Variants in CCDC169 observed in about 807,000 individuals in gnomAD.
CCDC169 encodes coiled-coil domain containing 169.
CCDC169 carries 30 observed loss-of-function variants against 36.0 expected under a neutral mutation model. The observed-to-expected ratio is 0.83, with a 90% CI of 0.62 to 1.13. The LOEUF (loss-of-function observed/expected upper bound fraction) is 1.13. CCDC169 is among the 50% of genes most tolerant of loss of function. The probability of loss-of-function intolerance (pLI) is 0.00; values close to 1 mark genes in which losing one functional copy is unlikely to be tolerated. For missense variants in CCDC169, 245 were observed against 245.9 expected, an observed-to-expected ratio of 1.00 and a Z score of 0.03; for synonymous variants, 85 against 81.5, an observed-to-expected ratio of 1.04 and a Z score of -0.23.
chr13:36,222,905 A>C (rs1869688323), downstream of CCDC169: 1 of 152,154 alleles, frequency 6.6e-6, no homozygotes, highest in Non-Finnish European at 1.5e-5. Context: ...AGAAGATATA[A>C]AAAAAGAACC....
chr13:36,258,099 A>T (rs1445265329), intron 4 of CCDC169, among the ~76,000 whole-genome samples: 1 of 152,172 alleles, frequency 6.6e-6, no homozygotes, highest in Non-Finnish European at 1.5e-5. Context: ...CTAGTTTTCA[A>T]ATCAGACTCT....
Position 36,297,689 on chromosome 13 carries a change from CGTCGAA to C in CCDC169, c.25_30del (p.Phe9_Asp10del). ...TGTTTCAGGCGGTTGGTGCTCACACCGTCGAAGTTGTAGTTTCTCTCTTCCTTCATA... is the reference window on the plus strand; with the variant it reads ...TGTTTCAGGCGGTTGGTGCTCACACCGTTGTAGTTTCTCTCTTCCTTCATA... On this transcript the variant is annotated inframe_deletion, in exon 1 of 8. Coordinates refer to ENST00000239859, the MANE Select transcript of CCDC169 (RefSeq NM_001144981.3). 6.4e-7 allele frequency: 1 copy of C among 1,551,374 alleles called. No individual in the cohort carries two copies. The highest frequency in any genetic ancestry group is 2.0e-5 in the Admixed American group (1 of 51,002).
chr13:36,243,141 A>G (rs1036589266), intron 7 of CCDC169, among the ~76,000 whole-genome samples: 126 of 151,986 alleles, frequency 8.3e-4, no homozygotes, highest in African/African-American at 2.8e-3. Context: ...CTATAGCCCT[A>G]CTCCCTCTGC....
chr13:36,290,947 C>T (rs960419252), intron 2 of CCDC169, among the ~76,000 whole-genome samples: 2 of 151,164 alleles, frequency 1.3e-5, no homozygotes, highest in Non-Finnish European at 2.9e-5. Context: ...TGGATACCAC[C>T]TCTGCATACC....
downstream of CCDC169, chr13:36,226,850 C>T (rs1869903928): frequency 3.0e-6 from 1 of 329,410 alleles, no homozygotes; most frequent in African/African-American, 2.1e-5. Context: ...CTACTATGCT[C>T]AGTCCCTGGG....
downstream of CCDC169, chr13:36,224,900 G>T (rs1869782779): frequency 6.6e-6 from 1 of 152,070 alleles, no homozygotes; most frequent in Admixed American, 6.6e-5. Context: ...ATACTGTAAA[G>T]CTACAGTAAT....
At chr13:36,268,169 CA>C (rs1239234392) in intron 4 of CCDC169, among the ~76,000 whole-genome samples, 1 of 152,158 alleles carries the variant, frequency 6.6e-6, no homozygotes, top group African/African-American at 2.4e-5. Context: ...GCAGAGTATA[CA>C]TTCTTCTCAT....
At chr13:36,237,859 A>G (rs900238953) in intron 7 of CCDC169, among the ~76,000 whole-genome samples, 6 of 152,236 alleles carry the variant, frequency 3.9e-5, no homozygotes, top group Admixed American at 6.5e-5. Flanking sequence ...TACAATTGTC[A>G]GAGTGTTCCC....
At position 36,231,103 on chromosome 13, in the gene CCDC169, C is replaced by T; in HGVS notation, c.*90G>A. The T allele has an allele frequency of 6.8e-7, 1 of 1,466,958 alleles. No individual in the cohort carries two copies. Among genetic ancestry groups the T allele is most frequent in the Non-Finnish European group, 9.0e-7 (1 of 1,112,820 alleles). 90.9% of individuals were successfully genotyped at this position (1,466,958 alleles called of 1,614,324 possible). On this transcript the variant is annotated 3_prime_UTR_variant, in exon 8 of 8. Transcript: ENST00000239859. ...TGGCAGTTCTTATCTATTTTATTCCCTGAAGAAATGTGCTGACCATTAACT... is the reference window on the plus strand; with the variant it reads ...TGGCAGTTCTTATCTATTTTATTCCTTGAAGAAATGTGCTGACCATTAACT...
chr13:36,270,811 T>C (rs1394248311), intron 4 of CCDC169, among the ~76,000 whole-genome samples: 1 of 152,164 alleles, frequency 6.6e-6, no homozygotes, highest in African/African-American at 2.4e-5. Context: ...TCTGAAAGTA[T>C]AAAAATTCTA....
At position 36,283,618 on chromosome 13, in the gene CCDC169, A is replaced by C. The variant is rs866575663; in HGVS notation, c.248T>G (p.Val83Gly). The change falls in exon 3 of 8, where the codon GTG becomes GGG. Residue 83 changes from valine (V) to glycine (G), a missense_variant. Coordinates refer to ENST00000239859, the MANE Select transcript of CCDC169 (RefSeq NM_001144981.3). ...EKQIVYLKEK[V>G]EKIHGNSSDR... ...TGAAGAGTTTCCATGGATTTTTTCC[A>C]CTTTCTCCTTGAGATAAACAATTTG... The C allele has an allele frequency of 6.4e-7, 1 of 1,551,354 alleles. No homozygotes were observed. Among genetic ancestry groups the C allele is most frequent in the African/African-American group, 1.4e-5 (1 of 73,142 alleles).
intron 7 of CCDC169, among the ~76,000 whole-genome samples, chr13:36,248,029 G>A (rs1358443942): frequency 1.3e-5 from 2 of 152,090 alleles, no homozygotes; most frequent in African/African-American, 4.8e-5. Flanking sequence ...CATCAACATT[G>A]AGGCAAGACC....
downstream of CCDC169, chr13:36,230,669 C>T (rs1870320410): frequency 1.4e-6 from 1 of 716,030 alleles, no homozygotes; most frequent in Admixed American, 6.3e-5. Flanking sequence ...CCAAGATCTC[C>T]TAAGTTCATG....
chr13:36,292,894 A>G (rs1566093533), intron 2 of CCDC169, among the ~76,000 whole-genome samples: 1 of 152,220 alleles, frequency 6.6e-6, no homozygotes, highest in Admixed American at 6.5e-5. Flanking sequence ...TCTACTCCAC[A>G]AAGGGAGGAG....
At chr13:36,231,802 A>C (rs924350408) in intron 7 of CCDC169, among the ~76,000 whole-genome samples, 1 of 152,194 alleles carries the variant, frequency 6.6e-6, no homozygotes, top group African/African-American at 2.4e-5. Flanking sequence ...TTCCTCAGGG[A>C]AAGTGTTTAT....
In CCDC169 at chr13:36,248,601, C is replaced by A; in HGVS notation, c.545+5G>T. The A allele has an allele frequency of 1.3e-6, 2 of 1,548,612 alleles. No homozygotes were observed. The highest frequency in any genetic ancestry group is 1.7e-6 in the Non-Finnish European group (2 of 1,144,986). The stretch of plus-strand genomic sequence containing the variant: ...ATTAGAAAGAAAATATATAGCTAGA[C>A]TTACGTTTTCACTAGATTCTCTTGC... On this transcript the variant is annotated splice_donor_5th_base_variant and intron_variant, in intron 7 of 7. Coordinates refer to ENST00000239859, the MANE Select transcript of CCDC169 (RefSeq NM_001144981.3).
At position 36,253,867 on chromosome 13, in the gene CCDC169, A is replaced by T; in HGVS notation, c.415-11T>A. ...GATCTTCTGGTAAGCCTGTGTGAAG[A>T]TACAAAAGCAAAGGGTCCAACATAT... is the stretch of plus-strand genomic sequence containing the variant. On this transcript the variant is annotated splice_polypyrimidine_tract_variant and intron_variant, in intron 5 of 7. Transcript: ENST00000239859. The T allele has an allele frequency of 6.4e-7, 1 of 1,550,776 alleles. No homozygotes were observed. Among genetic ancestry groups the T allele is most frequent in the Non-Finnish European group, 8.7e-7 (1 of 1,146,778 alleles).
At chr13:36,243,714 G>C (rs9602550) in intron 7 of CCDC169, among the ~76,000 whole-genome samples, 1,618 of 152,124 alleles carry the variant, frequency 0.011, 22 homozygotes, top group African/African-American at 0.036. Context: ...GCTGAGACAG[G>C]AGAATCACTT....
chr13:36,257,460 C>T (rs1381852120), intron 4 of CCDC169, among the ~76,000 whole-genome samples: 1 of 152,120 alleles, frequency 6.6e-6, no homozygotes, highest in South Asian at 2.1e-4. Context: ...AATCCCAGCA[C>T]TTTGGGAGGC....
Sources: gnomAD v4.1 joint callset for allele counts (sites outside exome capture counted in the v4.1 genomes callset) on GRCh38, gnomAD v4.1.1 for gene constraint, MANE v1.5 for transcripts, NCBI Gene and HGNC (gene_info 2026-07-23, HGNC 2026-07-21) for gene names.